The following PPM1L variants were observed in gnomAD, a reference collection of about 807,000 sequenced individuals.
PPM1L encodes the protein protein phosphatase, Mg2+/Mn2+ dependent 1L.
Under a neutral mutation model 31.4 loss-of-function variants are expected in PPM1L, and 13 were observed. The ratio of observed to expected loss-of-function variants is 0.41; its 90% CI spans 0.27 to 0.66. The LOEUF (loss-of-function observed/expected upper bound fraction) is 0.66. Among genes scored for constraint, PPM1L ranks in the 30% least tolerant of loss-of-function variants. PPM1L has a pLI of 0.29. For missense variants in PPM1L, 326 were observed against 453.7 expected (o/e 0.72, Z 2.56); for synonymous variants, 184 against 175.4 (o/e 1.05, Z -0.39).
At chr3:160,786,321 G>A (rs974492144) in intron 1 of PPM1L, among the ~76,000 whole-genome samples, 15 of 145,580 alleles carry the variant, frequency 1.0e-4, no homozygotes, top group African/African-American at 2.8e-4. Flanking sequence ...GAGTTCAAGC[G>A]ATTCTTGTGC....
At chr3:160,955,514 A>G (rs886639582) in intron 1 of PPM1L, among the ~76,000 whole-genome samples, 3 of 152,004 alleles carry the variant, frequency 2.0e-5, no homozygotes, top group African/African-American at 2.4e-5. Flanking sequence ...GTGTTTTTCT[A>G]GTATTTCATG....
At chr3:160,910,754 A>G (rs1252002849) in intron 1 of PPM1L, among the ~76,000 whole-genome samples, 2 of 152,138 alleles carry the variant, frequency 1.3e-5, no homozygotes, top group Non-Finnish European at 2.9e-5. Context: ...CATTTGGTAA[A>G]TAAGTTCTTA....
At chr3:160,870,929 A>G (rs1712282057) in intron 1 of PPM1L, among the ~76,000 whole-genome samples, 1 of 152,158 alleles carries the variant, frequency 6.6e-6, no homozygotes, top group African/African-American at 2.4e-5. Flanking sequence ...AAATCTTGGT[A>G]GACAAATGGG....
chr3:160,998,509 A>G (rs1379852902), intron 2 of PPM1L, among the ~76,000 whole-genome samples: 1 of 152,072 alleles, frequency 6.6e-6, no homozygotes, highest in Admixed American at 6.6e-5. Context: ...CAAATTGTAA[A>G]GGTGACTTTA....
intron 1 of PPM1L, among the ~76,000 whole-genome samples, chr3:160,935,476 TC>T (rs1439463926): frequency 6.6e-6 from 1 of 152,140 alleles, no homozygotes; most frequent in Non-Finnish European, 1.5e-5. Flanking sequence ...AAAGTAGTGA[TC>T]CATCAGATAG....
chr3:161,046,261 C>T (rs1279622365), intron 2 of PPM1L, among the ~76,000 whole-genome samples: 2 of 151,772 alleles, frequency 1.3e-5, no homozygotes, highest in African/African-American at 4.8e-5. Flanking sequence ...GGGGATATCA[C>T]CACCGATCCC....
At chr3:160,968,658 G>C (rs867290884) in intron 2 of PPM1L, among the ~76,000 whole-genome samples, 1 of 152,178 alleles carries the variant, frequency 6.6e-6, no homozygotes, top group African/African-American at 2.4e-5. Flanking sequence ...ATGTGTTTGA[G>C]GGAATTATGA....
chr3:161,016,586 G>A (rs1971240), intron 2 of PPM1L, among the ~76,000 whole-genome samples: 21,930 of 152,080 alleles, frequency 0.14, 1,777 homozygotes, highest in East Asian at 0.28. Context: ...TTCTAAATGC[G>A]GCTTATAAGA....
intron 2 of PPM1L, among the ~76,000 whole-genome samples, chr3:160,987,865 A>G (rs1276683251): frequency 1.3e-5 from 2 of 152,242 alleles, no homozygotes; most frequent in African/African-American, 4.8e-5. Flanking sequence ...AAATCGTCAC[A>G]TAGCTTCACT....
intron 2 of PPM1L, chr3:161,035,910 T>C (rs561525871): frequency 1.3e-5 from 2 of 152,348 alleles, no homozygotes; most frequent in East Asian, 1.9e-4. Context: ...CATTTGGTGA[T>C]TGTCTCCAGT....
rs1167636026 is a variant in PPM1L, at chr3:161,075,892, C to T, written c.*6735C>T. 2.6e-5 allele frequency: 4 copies of T among 152,258 alleles called. No individual in the cohort carries two copies. Among genetic ancestry groups the T allele is most frequent in the South Asian group, 2.1e-4 (1 of 4,828 alleles). 9.4% of individuals were successfully genotyped at this position (152,258 alleles called of 1,614,324 possible). ...TACATGAGATCTCATTTATTGCTCTCCTCAACACCTTTACTGTCCCAGATT... is the reference window on the plus strand; with the variant it reads ...TACATGAGATCTCATTTATTGCTCTTCTCAACACCTTTACTGTCCCAGATT... On this transcript the variant is annotated 3_prime_UTR_variant, in exon 4 of 4. Transcript: ENST00000498165.
At chr3:161,005,897 C>G (rs1717688269) in intron 2 of PPM1L, among the ~76,000 whole-genome samples, 1 of 151,232 alleles carries the variant, frequency 6.6e-6, no homozygotes, top group Non-Finnish European at 1.5e-5. Flanking sequence ...GGAAGAAATC[C>G]CAGGGTGGGG....
Position 160,756,238 on chromosome 3 carries a change from C to A in PPM1L, c.-71C>A. On this transcript the variant is annotated 5_prime_UTR_variant, in exon 1 of 4. Transcript: ENST00000498165. The surrounding 1 kb of genome is among the most constrained non-coding windows in gnomAD (Gnocchi z 6.2). ...CCTCCCTCCCGGCGGGCTGTCCCCG[C>A]AGTGCTCCCGGACCCGGCGAGCCTT... The A allele has an allele frequency of 6.6e-7, 1 of 1,524,478 alleles. No individual in the cohort carries two copies. 94.4% of individuals were successfully genotyped at this position (1,524,478 alleles called of 1,614,324 possible). A position where few individuals can be genotyped will look rare whatever the true frequency, so the allele number is the denominator to read the frequency against.
chr3:160,835,082 C>CTTCTTCTTCTTCTTCTTCT (rs1403731631), intron 1 of PPM1L, among the ~76,000 whole-genome samples: 31 of 141,664 alleles, frequency 2.2e-4, no homozygotes, highest in African/African-American at 8.5e-4. Context: ...TCTTCTTCTT[C>CTTCTTCTTCTTCTTCTTCT]TTCTTTCTTT....
chr3:160,848,511 C>T (rs1481606035), intron 1 of PPM1L, among the ~76,000 whole-genome samples: 5 of 152,166 alleles, frequency 3.3e-5, no homozygotes, highest in Non-Finnish European at 7.3e-5. Flanking sequence ...TCAACTATTA[C>T]ATGTCAACAG....
intron 2 of PPM1L, among the ~76,000 whole-genome samples, chr3:161,007,711 A>G (rs1282409016): frequency 2.0e-5 from 3 of 152,038 alleles, no homozygotes; most frequent in Non-Finnish European, 2.9e-5. Flanking sequence ...GCCCCAGACA[A>G]TTCTTCTTCC....
At chr3:160,976,573 A>ACC (rs1716585468) in intron 2 of PPM1L, among the ~76,000 whole-genome samples, 1 of 151,214 alleles carries the variant, frequency 6.6e-6, no homozygotes, top group East Asian at 1.9e-4. Context: ...GTCTATTCAG[A>ACC]GATTCAACTT....
intron 1 of PPM1L, among the ~76,000 whole-genome samples, chr3:160,915,009 A>T (rs548932918): frequency 6.6e-6 from 1 of 152,026 alleles, no homozygotes. Flanking sequence ...GTATCTCTTT[A>T]TGGTTTTGAT....
At position 160,756,781 on chromosome 3, in the gene PPM1L, G is replaced by A; in HGVS notation, c.399+74G>A. ...TGTGTGTGTGTGTGTGTGTGTGTGT[G>A]TGTGTGTGTATAAACAACAGGACAG... On this transcript the variant is annotated intron_variant, in intron 1 of 3. Transcript: ENST00000498165. This position sits in a 1 kb window ranked among gnomAD's most constrained non-coding sequence, Gnocchi z 6.2. 7.0e-7 allele frequency: 1 copy of A among 1,422,912 alleles called. No individual in the cohort carries two copies. The highest frequency in any genetic ancestry group is 9.5e-7 in the Non-Finnish European group (1 of 1,051,798). 88.1% of individuals were successfully genotyped at this position (1,422,912 alleles called of 1,614,324 possible).
Sources: allele counts gnomAD v4.1 joint callset (sites outside exome capture counted in the v4.1 genomes callset), GRCh38; gene constraint gnomAD v4.1.1; non-coding constraint Gnocchi (gnomAD v3.1); transcripts MANE v1.5; gene names NCBI Gene and HGNC (gene_info 2026-07-23, HGNC 2026-07-21).